Variants in GPR83 observed in about 807,000 individuals in gnomAD.
GPR83 encodes G-protein coupled receptor 72.
A neutral mutation model predicts 28.0 loss-of-function variants in GPR83; 23 were observed. The ratio of observed to expected loss-of-function variants is 0.82; its 90% CI spans 0.59 to 1.16. The LOEUF is 1.16. Ranked by LOEUF, GPR83 falls within the 50% of genes most tolerant of loss-of-function variation. The probability of loss-of-function intolerance (pLI) is 0.00; values close to 1 mark genes in which losing one functional copy is unlikely to be tolerated. For synonymous variants in GPR83, 234 were observed against 215.4 expected, an observed-to-expected ratio of 1.09 and a Z score of -0.76; for missense variants, 610 against 536.6, an observed-to-expected ratio of 1.14 and a Z score of -1.35.
At position 94,379,995 on chromosome 11, in the gene GPR83, G is replaced by A. The variant is rs1282392282; in HGVS notation, c.*154C>T. The A allele has an allele frequency of 5.6e-6, 3 of 531,038 alleles. No homozygotes were observed. The highest frequency in any genetic ancestry group is 9.5e-6 in the Non-Finnish European group (3 of 316,530). The allele number at this position is 531,038 out of a possible 1,614,324, so 32.9% of individuals were successfully genotyped here. A position where few individuals can be genotyped will look rare whatever the true frequency, so the allele number is the denominator to read the frequency against. On this transcript the variant is annotated 3_prime_UTR_variant, in exon 4 of 4. Transcript: ENST00000243673. Reference sequence around the variant, plus strand: ...CCTTTTAGTTTTCACATCACATGGGGCTAGGAGGCTGGACAGTTTCCTAGG... The same window carrying A: ...CCTTTTAGTTTTCACATCACATGGGACTAGGAGGCTGGACAGTTTCCTAGG...
chr11:94,387,125 C>A (rs895099526), intron 3 of GPR83, among the ~76,000 whole-genome samples: 2 of 152,124 alleles, frequency 1.3e-5, no homozygotes, highest in Non-Finnish European at 2.9e-5. Context: ...TTCTCTGAAA[C>A]CAAAGAGAAC....
intron 3 of GPR83, among the ~76,000 whole-genome samples, chr11:94,389,755 A>C (rs1008065325): frequency 1.3e-5 from 2 of 152,220 alleles, no homozygotes; most frequent in African/African-American, 2.4e-5. Flanking sequence ...TGTGGAAGTC[A>C]GTGTGGCGAT....
intron 1 of GPR83, among the ~76,000 whole-genome samples, chr11:94,399,515 C>A (rs1944892943): frequency 6.6e-6 from 1 of 152,262 alleles, no homozygotes; most frequent in Non-Finnish European, 1.5e-5. Flanking sequence ...CCTCTCTGTG[C>A]CCTAGTTTTC....
chr11:94,387,242 A>G (rs916381382), intron 3 of GPR83, among the ~76,000 whole-genome samples: 1 of 152,234 alleles, frequency 6.6e-6, no homozygotes, highest in African/African-American at 2.4e-5. Context: ...TCTAAAATTG[A>G]CACCCTAACA....
rs1944649686 is a variant in GPR83 at position 94,378,923 on chromosome 11, C to T, written c.*1226G>A. ...GGAGGGGCATGTGAGCCAGGCCCTTCCCACCACTGTCTACAATAGGGGGCA... is the reference window on the plus strand; with the variant it reads ...GGAGGGGCATGTGAGCCAGGCCCTTTCCACCACTGTCTACAATAGGGGGCA... On this transcript the variant is annotated 3_prime_UTR_variant, in exon 4 of 4. Coordinates refer to ENST00000243673, the MANE Select transcript of GPR83 (RefSeq NM_016540.4). The T allele has an allele frequency of 6.6e-6, 1 of 152,130 alleles. No homozygotes were observed. The highest frequency in any genetic ancestry group is 1.5e-5 in the Non-Finnish European group (1 of 68,050). The allele number at this position is 152,130 out of a possible 1,614,324, so 9.4% of individuals were successfully genotyped here. A position where few individuals can be genotyped will look rare whatever the true frequency, so the allele number is the denominator to read the frequency against.
Position 94,396,449 on chromosome 11 carries a change from G to A in GPR83, c.463C>T (p.Leu155=). Reference sequence around the variant, plus strand: ...GTCAGTGTCAGTGCTGAGACGTGCAGTGAGCAGTACTGGGCAAAGCGGCTG... The same window carrying A: ...GTCAGTGTCAGTGCTGAGACGTGCAATGAGCAGTACTGGGCAAAGCGGCTG... ...HVSRFAQYCS[L]HVSALTLTAI... The change falls in exon 2 of 4, where the codon CTG becomes TTG. Residue 155 remains leucine, a synonymous_variant. Coordinates refer to ENST00000243673, the MANE Select transcript of GPR83 (RefSeq NM_016540.4). 6.2e-7 allele frequency: 1 copy of A among 1,614,108 alleles called. No homozygotes were observed. Among genetic ancestry groups the A allele is most frequent in the Non-Finnish European group, 8.5e-7 (1 of 1,179,936 alleles).
chr11:94,386,165 AC>A (rs1343290746), intron 3 of GPR83, among the ~76,000 whole-genome samples: 1 of 152,218 alleles, frequency 6.6e-6, no homozygotes, highest in Non-Finnish European at 1.5e-5. Context: ...CTCTGTCACC[AC>A]CAGGCCTGCC....
intron 2 of GPR83, among the ~76,000 whole-genome samples, chr11:94,395,858 C>T (rs1292958778): frequency 1.3e-5 from 2 of 152,244 alleles, no homozygotes; most frequent in African/African-American, 2.4e-5. Flanking sequence ...CTCCTCTCTC[C>T]TTTCATCTGT....
intron 3 of GPR83, among the ~76,000 whole-genome samples, chr11:94,392,150 A>G (rs1178862680): frequency 6.6e-6 from 1 of 152,192 alleles, no homozygotes; most frequent in Non-Finnish European, 1.5e-5. Flanking sequence ...GCCGTAAAAA[A>G]GGATGAGTTC....
At chr11:94,390,714 C>T (rs1045112634) in intron 3 of GPR83, among the ~76,000 whole-genome samples, 7 of 152,092 alleles carry the variant, frequency 4.6e-5, no homozygotes, top group Admixed American at 3.9e-4. Flanking sequence ...GAGTGAACTC[C>T]CACTCACAAT....
In GPR83 at chr11:94,380,086, T is replaced by C. The variant is rs565778386; in HGVS notation, c.*63A>G. The stretch of plus-strand genomic sequence containing the variant: ...GCACTCTGAAGATCATGTGTGAGAA[T>C]AGGCTCTCTTTCCCTGCCTCAGGTG... On this transcript the variant is annotated 3_prime_UTR_variant, in exon 4 of 4. Transcript: ENST00000243673. 265 of 1,295,974 alleles carry C rather than the reference T, an allele frequency of 2.0e-4. 1 individual carries two copies. In the South Asian group the frequency reaches 4.1e-3, roughly 20 times the overall value. The allele number at this position is 1,295,974 out of a possible 1,614,324, so 80.3% of individuals were successfully genotyped here. A position where few individuals can be genotyped will look rare whatever the true frequency, so the allele number is the denominator to read the frequency against.
At chr11:94,387,387 G>C (rs1305952016) in intron 3 of GPR83, among the ~76,000 whole-genome samples, 1 of 152,144 alleles carries the variant, frequency 6.6e-6, no homozygotes, top group African/African-American at 2.4e-5. Flanking sequence ...ATGAATCCAG[G>C]AGCTGGTTTT....
rs1269663817 is a variant in GPR83 at position 94,378,408 on chromosome 11, G to T, written c.*1741C>A. 1 of 152,192 alleles carries T rather than the reference G, an allele frequency of 6.6e-6. No individual in the cohort carries two copies. Among genetic ancestry groups the T allele is most frequent in the Non-Finnish European group, 1.5e-5 (1 of 68,048 alleles). 9.4% of individuals were successfully genotyped at this position (152,192 alleles called of 1,614,324 possible). A position where few individuals can be genotyped will look rare whatever the true frequency, so the allele number is the denominator to read the frequency against. On this transcript the variant is annotated 3_prime_UTR_variant, in exon 4 of 4. Coordinates refer to ENST00000243673, the MANE Select transcript of GPR83 (RefSeq NM_016540.4). ...TGCTAGAAGAAAACCTAAAAGCAGT[G>T]TGTCAGTAACAATTGTTTAGAGCAG...
chr11:94,401,378 C>G lies in GPR83; in HGVS notation c.-131G>C. The G allele has an allele frequency of 1.2e-6, 1 of 813,624 alleles. No homozygotes were observed. The highest frequency in any genetic ancestry group is 1.8e-6 in the Non-Finnish European group (1 of 567,368). 50.4% of individuals were successfully genotyped at this position (813,624 alleles called of 1,614,324 possible). A position where few individuals can be genotyped will look rare whatever the true frequency, so the allele number is the denominator to read the frequency against. ...CCCGAGGAGCCAGGGAGCCCGGACG[C>G]GCGGAGCACCGCGCCGCCCGCCACC... On this transcript the variant is annotated 5_prime_UTR_variant, in exon 1 of 4. Transcript: ENST00000243673.
intron 1 of GPR83, among the ~76,000 whole-genome samples, chr11:94,399,069 GC>G (rs2134698049): frequency 6.6e-6 from 1 of 152,248 alleles, no homozygotes; most frequent in Non-Finnish European, 1.5e-5. Context: ...TGCAGATCCA[GC>G]CCTGTATCCT....
At chr11:94,398,051 C>T (rs1320803251) in intron 1 of GPR83, among the ~76,000 whole-genome samples, 1 of 152,178 alleles carries the variant, frequency 6.6e-6, no homozygotes, top group African/African-American at 2.4e-5. Context: ...CCAGTTCTGC[C>T]TCTCACTGAT....
chr11:94,382,466 G>T (rs1193386611), intron 3 of GPR83, among the ~76,000 whole-genome samples: 2 of 151,688 alleles, frequency 1.3e-5, no homozygotes, highest in African/African-American at 4.9e-5. Flanking sequence ...AGGGATCAAT[G>T]CAGCAAGAAA....
chr11:94,385,188 C>A (rs1490537508), intron 3 of GPR83, among the ~76,000 whole-genome samples: 5 of 152,144 alleles, frequency 3.3e-5, no homozygotes, highest in Admixed American at 2.0e-4. Flanking sequence ...CACACCAAAA[C>A]CCCATCTGTA....
In GPR83 at chr11:94,378,900, AGG is replaced by A; in HGVS notation, c.*1247_*1248del. On this transcript the variant is annotated 3_prime_UTR_variant, in exon 4 of 4. Transcript: ENST00000243673. ...GTTCATCTTGAGGCTGCCTCTAAGG[AGG>A]GGCATGTGAGCCAGGCCCTTCCCAC... The A allele has an allele frequency of 6.6e-6, 1 of 152,130 alleles. No individual in the cohort carries two copies. Among genetic ancestry groups the A allele is most frequent in the South Asian group, 2.1e-4 (1 of 4,810 alleles). The allele number at this position is 152,130 out of a possible 1,614,324, so 9.4% of individuals were successfully genotyped here. A position where few individuals can be genotyped will look rare whatever the true frequency, so the allele number is the denominator to read the frequency against.
Sources: gnomAD v4.1 joint callset for allele counts (sites outside exome capture counted in the v4.1 genomes callset) on GRCh38, gnomAD v4.1.1 for gene constraint, MANE v1.5 for transcripts, NCBI Gene and HGNC (gene_info 2026-07-23, HGNC 2026-07-21) for gene names.